The following TXNIP variants were observed in gnomAD, a reference collection of about 807,000 sequenced individuals.
TXNIP encodes the protein thioredoxin-interacting protein.
In TXNIP, 23 loss-of-function variants were observed where a neutral mutation model predicts 43.9. The ratio of observed to expected loss-of-function variants is 0.52; its 90% confidence interval spans 0.38 to 0.74. The LOEUF (loss-of-function observed/expected upper bound fraction) is 0.74. Ranked by LOEUF, TXNIP falls within the 30% of genes least tolerant of loss-of-function variation. The probability of loss-of-function intolerance (pLI) is 0.00; values close to 1 mark genes in which losing one functional copy is unlikely to be tolerated. For missense variants in TXNIP, 555 were observed against 485.4 expected (o/e 1.14, Z -1.35); for synonymous variants, 234 against 172.2 (o/e 1.36, Z -2.81).
chr1:145,996,497 G>C lies in TXNIP; in HGVS notation c.-231C>G, dbSNP rs1372886243. ...GCTGGTTACACTAAGCTAATTCAGAGAAAAAGCCTTCTTTCCCCCAATTGC... is the reference window on the plus strand; with the variant it reads ...GCTGGTTACACTAAGCTAATTCAGACAAAAAGCCTTCTTTCCCCCAATTGC... On this transcript the variant is annotated 5_prime_UTR_variant, in exon 1 of 8. Transcript: ENST00000582401. The C allele has an allele frequency of 1.6e-5, 7 of 426,542 alleles. No individual in the cohort carries two copies. In the East Asian group the frequency reaches 2.3e-4, roughly 14 times the overall value. 26.4% of individuals were successfully genotyped at this position (426,542 alleles called of 1,614,324 possible).
At chr1:145,994,505 G>A (rs782386816) in intron 5 of TXNIP, 39 bp downstream of exon 5, 1 of 1,613,302 alleles carries the variant, frequency 6.2e-7, no homozygotes, top group East Asian at 2.2e-5. Flanking sequence ...GGTAACAGAT[G>A]AACAATTTCT....
rs150672123 is a variant in TXNIP at position 145,994,334 on chromosome 1, C to G, written c.935G>C (p.Arg312Pro). Residue 312 changes from arginine (R) to proline (P), a missense_variant, in exon 6 of 8, where the codon CGA becomes CCA. By Grantham distance (103) the Arg-to-Pro change is moderately radical (BLOSUM62 -2). Transcript: ENST00000582401. ...TACCCAACTCATCTCAGAGCTGGTT[C>G]GGCTGGCCATGCTGGATGTTCTGCT... Reference protein sequence around the residue: ...LSSRTSSMASRTSSEMSWVDL... With the variant: ...LSSRTSSMASPTSSEMSWVDL... 5.0e-6 allele frequency: 8 copies of G among 1,614,170 alleles called. No homozygotes were observed. In the South Asian group the frequency reaches 7.7e-5, roughly 16 times the overall value.
At chr1:145,994,257 G>A (rs782599903) in intron 6 of TXNIP, 24 bp downstream of exon 6, 3 of 1,613,166 alleles carry the variant, frequency 1.9e-6, no homozygotes, top group South Asian at 1.1e-5. Context: ...CAGAAACAAA[G>A]AAAAGACATT....
At chr1:145,994,836 A>G (rs1553766160) in intron 4 of TXNIP, 36 bp from the exon 5 acceptor site, 6 of 1,613,922 alleles carry the variant, frequency 3.7e-6, no homozygotes, top group Non-Finnish European at 5.1e-6. Context: ...ACTGATACTC[A>G]GTATAGTTAA....
chr1:145,993,970 A>AT, intron 7 of TXNIP, 46 bp downstream of exon 7: 3 of 1,613,804 alleles, frequency 1.9e-6, no homozygotes, highest in Non-Finnish European at 2.5e-6. Context: ...TCAACTTCTT[A>AT]TAGAAAGCTT....
chr1:145,995,040 A>G lies in TXNIP; in HGVS notation c.472-9T>C. ...TTAGCAGACACAGGTGCCTATATAG[A>G]AGGGGATAAAAAGGTGTTTTGAGAT... On this transcript the variant is annotated splice_polypyrimidine_tract_variant and intron_variant, in intron 3 of 7. Transcript: ENST00000582401. The G allele has an allele frequency of 6.2e-7, 1 of 1,613,892 alleles. No homozygotes were observed. Among genetic ancestry groups the G allele is most frequent in the Non-Finnish European group, 8.5e-7 (1 of 1,179,996 alleles).
rs782215847 is a variant in TXNIP, at chr1:145,995,276, G to A, written c.339C>T (p.Ser113=). 2.5e-5 allele frequency: 40 copies of A among 1,613,964 alleles called. No homozygotes were observed. The highest frequency in any genetic ancestry group is 3.2e-5 in the Non-Finnish European group (38 of 1,179,960). ...CTACACACCCATATTTTCCTTTGAA[G>A]GATGTTCCCAGAGGCCTGTGTCAAG... The part of the protein sequence containing the change: ...FELPQGPLGT[S]FKGKYGCVDY... Residue 113 remains serine, a synonymous_variant, in exon 3 of 8, where the codon TCC becomes TCT. Transcript: ENST00000582401.
chr1:145,994,519 C>A (rs1244077676), intron 5 of TXNIP, 25 bp downstream of exon 5: 3 of 1,613,658 alleles, frequency 1.9e-6, no homozygotes, highest in Non-Finnish European at 2.5e-6. Flanking sequence ...AATTTCTCTG[C>A]TGAAGCCACC....
rs7212 is a variant in TXNIP, at chr1:145,992,816, G to C, written c.*1035C>G. On this transcript the variant is annotated 3_prime_UTR_variant, in exon 8 of 8. Transcript: ENST00000582401. ...ATTTGGAGGTTCTGATCACAGGGTT[G>C]GGCATCTTGATCAAGAGTTCCTCCT... 23,309 of 152,566 alleles carry C rather than the reference G, an allele frequency of 0.15. 3,272 individuals are homozygous for C. Among genetic ancestry groups the C allele is most frequent in the African/African-American group, 0.36 (15,006 of 41,432 alleles). 9.5% of individuals were successfully genotyped at this position (152,566 alleles called of 1,614,324 possible).
Position 145,993,056 on chromosome 1 carries a change from C to T in TXNIP, c.*795G>A, listed in dbSNP as rs587697781. 6 of 152,804 alleles carry T rather than the reference C, an allele frequency of 3.9e-5. No homozygotes were observed. Among genetic ancestry groups the T allele is most frequent in the African/African-American group, 1.2e-4 (5 of 41,566 alleles). The allele number at this position is 152,804 out of a possible 1,614,324, so 9.5% of individuals were successfully genotyped here. On this transcript the variant is annotated 3_prime_UTR_variant, in exon 8 of 8. Coordinates refer to ENST00000582401, the MANE Select transcript of TXNIP (RefSeq NM_006472.6). ...AAAAAATTTGACAGGAATTAAAGTG[C>T]TAAGAACATCACCTTAGAATCAATT...
At position 145,995,189 on chromosome 1, in the gene TXNIP, GTTTTTC is replaced by G; in HGVS notation, c.420_425del (p.Lys140_Lys141del). ...CATCCACCAGATCCACTACTTCAAAGTTTTTCTTTGTCTCTTGAGTTGGCTGGCTCG... is the reference window on the plus strand; with the variant it reads ...CATCCACCAGATCCACTACTTCAAAGTTTGTCTCTTGAGTTGGCTGGCTCG... On this transcript the variant is annotated inframe_deletion, in exon 3 of 8. Transcript: ENST00000582401. 1 of 1,614,060 alleles carries G rather than the reference GTTTTTC, an allele frequency of 6.2e-7. No homozygotes were observed. Among genetic ancestry groups the G allele is most frequent in the Non-Finnish European group, 8.5e-7 (1 of 1,180,006 alleles).
In TXNIP at chr1:145,993,736, C is replaced by T. The variant is rs1199751130; in HGVS notation, c.*115G>A. 1.1e-5 allele frequency: 14 copies of T among 1,260,370 alleles called. No individual in the cohort carries two copies. The Admixed American group carries it at 2.1e-4, about 19-fold the overall frequency. The allele number at this position is 1,260,370 out of a possible 1,614,324, so 78.1% of individuals were successfully genotyped here. Reference sequence around the variant, plus strand: ...ACCTCCTACATTAGGAAGTCAGAGGCTAAGGTGGACCCACACTCCATTGCA... The same window carrying T: ...ACCTCCTACATTAGGAAGTCAGAGGTTAAGGTGGACCCACACTCCATTGCA... On this transcript the variant is annotated 3_prime_UTR_variant, in exon 8 of 8. Coordinates refer to ENST00000582401, the MANE Select transcript of TXNIP (RefSeq NM_006472.6).
rs781980100 is a variant in TXNIP, at chr1:145,994,726, C to A, written c.649G>T (p.Ala217Ser). Reference sequence around the variant, plus strand: ...CCATTGGCAAGGTAAGTGTGGCGGGCCACAATGGCAGCTTTGGGGACCACA... The same window carrying A: ...CCATTGGCAAGGTAAGTGTGGCGGGACACAATGGCAGCTTTGGGGACCACA... The part of the protein sequence containing the change: ...RIVVPKAAIV[A>S]RHTYLANGQT... Residue 217 changes from alanine to serine, a missense_variant, in exon 5 of 8, where the codon GCC becomes TCC. Ala to Ser is a moderately conservative substitution (Grantham distance 99). Transcript: ENST00000582401. 4 of 1,614,218 alleles carry A rather than the reference C, an allele frequency of 2.5e-6. No homozygotes were observed. The highest frequency in any genetic ancestry group is 3.4e-6 in the Non-Finnish European group (4 of 1,180,048).
In TXNIP at chr1:145,994,642, C is replaced by G. The variant is rs782186160; in HGVS notation, c.733G>C (p.Gly245Arg). ...TTGCCACGCCATGATGCGCATGTCC[C>G]TGAGATAATATGATTGCCTCTGACT... is the stretch of plus-strand genomic sequence containing the variant. ...SSVRGNHIIS[G>R]TCASWRGKSL... is the part of the protein sequence containing the mutation. Residue 245 changes from glycine to arginine, a missense_variant, in exon 5 of 8, where the codon GGG becomes CGG. Gly to Arg is a moderately radical substitution (Grantham distance 125). Coordinates refer to ENST00000582401, the MANE Select transcript of TXNIP (RefSeq NM_006472.6). The G allele has an allele frequency of 3.1e-6, 5 of 1,614,172 alleles. No individual in the cohort carries two copies. In the East Asian group the frequency reaches 1.1e-4, roughly 36 times the overall value.
chr1:145,994,087 CATCCATGTCAT>C lies in TXNIP; in HGVS notation c.1058_1068del (p.Asp353GlyfsTer13), dbSNP rs782500764. 6.2e-7 allele frequency: 1 copy of C among 1,614,116 alleles called. No individual in the cohort carries two copies. Among genetic ancestry groups the C allele is most frequent in the South Asian group, 1.1e-5 (1 of 91,078 alleles). ...ATAAAGATAGGGCTGTCTTGAGAGC[CATCCATGTCAT>C]CTAGCAGAGGAGTGGTTGGGCTCTC... is the stretch of plus-strand genomic sequence containing the variant. On this transcript the variant is annotated frameshift_variant, in exon 7 of 8. Coordinates refer to ENST00000582401, the MANE Select transcript of TXNIP (RefSeq NM_006472.6). LOFTEE classifies it high-confidence loss of function.
intron 1 of TXNIP, 148 bp from the exon 2 acceptor site, chr1:145,995,624 G>A: frequency 1.3e-6 from 1 of 761,464 alleles, no homozygotes; most frequent in African/African-American, 1.8e-5. Flanking sequence ...ATCCCATATT[G>A]TTCTTAAAGA....
chr1:145,994,971 C>G lies in TXNIP; in HGVS notation c.532G>C (p.Val178Leu), dbSNP rs1553766194. The change falls in exon 4 of 8, where the codon GTG (valine) becomes CTG (leucine). Residue 178 changes from valine to leucine, a missense_variant. Val to Leu is a conservative substitution (Grantham distance 32). Coordinates refer to ENST00000582401, the MANE Select transcript of TXNIP (RefSeq NM_006472.6). ...VSCMFIPDGR[V>L]SVSARIDRKG... ...CTGTCAATTCGAGCAGAGACAGACACCCGCCCATCAGGAATGAACATGCAG... is the reference window on the plus strand; with the variant it reads ...CTGTCAATTCGAGCAGAGACAGACAGCCGCCCATCAGGAATGAACATGCAG... The G allele has an allele frequency of 6.2e-7, 1 of 1,614,052 alleles. No individual in the cohort carries two copies. Among genetic ancestry groups the G allele is most frequent in the East Asian group, 2.2e-5 (1 of 44,904 alleles).
At chr1:145,995,929 C>T in intron 1 of TXNIP, 88 bp downstream of exon 1, 1 of 1,501,700 alleles carries the variant, frequency 6.7e-7, no homozygotes, top group South Asian at 1.3e-5. Context: ...TCAAACTGAG[C>T]AACTTAAAAC....
chr1:145,994,005 A>AC lies in TXNIP; in HGVS notation c.1140+10dup, dbSNP rs1400576171. 2.5e-6 allele frequency: 4 copies of AC among 1,614,062 alleles called. No individual in the cohort carries two copies. In the African/African-American group the frequency reaches 5.3e-5, roughly 22 times the overall value. Reference sequence around the variant, plus strand: ...TAGGACAAATTTAACAGTAAAGATGACAATCCTCACCTCAGTATAAGTCGG... The same window carrying AC: ...TAGGACAAATTTAACAGTAAAGATGACCAATCCTCACCTCAGTATAAGTCGG... On this transcript the variant is annotated intron_variant, in intron 7 of 7. Transcript: ENST00000582401.
Sources: gnomAD v4.1 joint callset for allele counts on GRCh38, gnomAD v4.1.1 for gene constraint, MANE v1.5 for transcripts, NCBI Gene and HGNC (gene_info 2026-07-23, HGNC 2026-07-21) for gene names.